Variants in FGD4 observed in about 807,000 individuals in gnomAD.
FGD4 encodes the protein FYVE, RhoGEF and PH domain-containing protein 4.
Under a neutral mutation model 102.0 loss-of-function variants are expected in FGD4, and 42 were observed. The observed-to-expected ratio is 0.41, with a 90% CI of 0.32 to 0.53. The LOEUF is 0.53. Ranked by LOEUF, FGD4 falls within the 20% of genes least tolerant of loss-of-function variation. FGD4 has a pLI of 0.21. For synonymous variants in FGD4, 380 were observed against 375.7 expected (o/e 1.01, Z -0.13); for missense variants, 902 against 1,078.2 (o/e 0.84, Z 2.29).
At chr12:32,505,039 A>G (rs1592036610) in intron 1 of FGD4, among the ~76,000 whole-genome samples, 1 of 152,106 alleles carries the variant, frequency 6.6e-6, no homozygotes, top group African/African-American at 2.4e-5. Context: ...GAAGTTAAGT[A>G]TTTTTGGCCA....
At chr12:32,456,020 C>T (rs1409755909) in intron 1 of FGD4, among the ~76,000 whole-genome samples, 5 of 152,120 alleles carry the variant, frequency 3.3e-5, no homozygotes, top group Non-Finnish European at 7.4e-5. Flanking sequence ...AGTCTCCATC[C>T]AACCTTCTCA....
At chr12:32,620,520 CTTTTTTTTTTTTTTTTTT>C (rs1233071153) in intron 11 of FGD4, among the ~76,000 whole-genome samples, 5 of 91,136 alleles carry the variant, frequency 5.5e-5, no homozygotes, top group African/African-American at 2.3e-4. Context: ...TTTTTTCTTT[CTTTTTTTTTTTTTTTTTT>C]TTTTTGAGAT....
At chr12:32,609,947 A>G (rs1454955458) in intron 8 of FGD4, among the ~76,000 whole-genome samples, 2 of 152,158 alleles carry the variant, frequency 1.3e-5, no homozygotes, top group Non-Finnish European at 2.9e-5. Context: ...TGGAGCTCCT[A>G]CGATGTCCAC....
Position 32,645,211 on chromosome 12 carries a change from C to T in FGD4, c.*4678C>T, listed in dbSNP as rs927885865. 6 of 152,062 alleles carry T rather than the reference C, an allele frequency of 3.9e-5. No homozygotes were observed. Among genetic ancestry groups the T allele is most frequent in the Non-Finnish European group, 7.3e-5 (5 of 68,028 alleles). The allele number at this position is 152,062 out of a possible 1,614,324, so 9.4% of individuals were successfully genotyped here. A position where few individuals can be genotyped will look rare whatever the true frequency, so the allele number is the denominator to read the frequency against. On this transcript the variant is annotated 3_prime_UTR_variant, in exon 17 of 17. Transcript: ENST00000534526. ...TATAAGAGAATCACATTATATATTA[C>T]ACAGTATATGGATATTGGAATGTAT...
At chr12:32,435,498 A>AGTGTGTGTTT (rs1555180956) in intron 1 of FGD4, among the ~76,000 whole-genome samples, 2 of 149,612 alleles carry the variant, frequency 1.3e-5, no homozygotes, top group Non-Finnish European at 3.0e-5. Flanking sequence ...CAATTAAAAA[A>AGTGTGTGTTT]GTGTGTGTGT....
chr12:32,571,768 C>CA (rs1945686462), intron 2 of FGD4, among the ~76,000 whole-genome samples: 1 of 152,042 alleles, frequency 6.6e-6, no homozygotes, highest in Non-Finnish European at 1.5e-5. Context: ...AGGTATGCGC[C>CA]AAAGCCTGAA....
rs1160194751 is a variant in FGD4 at position 32,633,798 on chromosome 12, C to G, written c.2313+109C>G. Reference sequence around the variant, plus strand: ...TGGCACGATCTCAGCTCACTGCAACCTCAGCCTCCCAAGTTGCTGGAATTA... The same window carrying G: ...TGGCACGATCTCAGCTCACTGCAACGTCAGCCTCCCAAGTTGCTGGAATTA... On this transcript the variant is annotated intron_variant, in intron 15 of 16. Coordinates refer to ENST00000534526, the MANE Select transcript of FGD4 (RefSeq NM_001370298.3). The G allele has an allele frequency of 3.0e-6, 3 of 988,018 alleles. No individual in the cohort carries two copies. In the African/African-American group the frequency reaches 5.0e-5, roughly 16 times the overall value. The allele number at this position is 988,018 out of a possible 1,614,324, so 61.2% of individuals were successfully genotyped here.
intron 1 of FGD4, among the ~76,000 whole-genome samples, chr12:32,481,080 A>G (rs917637994): frequency 7.3e-6 from 1 of 136,786 alleles, no homozygotes; most frequent in African/African-American, 2.7e-5. Context: ...GTGAGCTGAG[A>G]TAGTGCCACT....
chr12:32,581,406 CAA>C lies in FGD4; in HGVS notation c.504-552_504-551del, dbSNP rs1173366763. On this transcript the variant is annotated intron_variant, in intron 3 of 16. Coordinates refer to ENST00000534526, the MANE Select transcript of FGD4 (RefSeq NM_001370298.3). ...CTAGTGGAGGGGATCAGAGTGGAAA[CAA>C]AGAGACCAGTTAAAAAGGTATGGCA... is the stretch of plus-strand genomic sequence containing the variant. Among the ~76,000 whole-genome samples the C allele has an allele frequency of 2.6e-5, 4 of 152,008 alleles. 1 individual carries two copies. In the South Asian group the frequency reaches 6.2e-4, roughly 24 times the overall value.
intron 1 of FGD4, among the ~76,000 whole-genome samples, chr12:32,421,669 C>T (rs552260905): frequency 3.8e-4 from 58 of 152,250 alleles, no homozygotes; most frequent in African/African-American, 1.4e-3. Context: ...TAGGTCAAGA[C>T]TCCTGATAAA....
intron 1 of FGD4, among the ~76,000 whole-genome samples, chr12:32,466,937 T>C (rs1219060650): frequency 6.6e-6 from 1 of 151,872 alleles, no homozygotes; most frequent in Non-Finnish European, 1.5e-5. Context: ...GCAAGGCCTT[T>C]TTAGAGGGCA....
chr12:32,645,888 A>G lies in FGD4; in HGVS notation c.*5355A>G, dbSNP rs145674040. On this transcript the variant is annotated 3_prime_UTR_variant, in exon 17 of 17. Transcript: ENST00000534526. ...TATACACAAGTAATTTTTCTTTTCT[A>G]GCTATGTGAATGTAAAATACTTGCA... 5 of 152,320 alleles carry G rather than the reference A, an allele frequency of 3.3e-5. No individual in the cohort carries two copies. The East Asian group carries it at 9.6e-4, about 29-fold the overall frequency. The allele number at this position is 152,320 out of a possible 1,614,324, so 9.4% of individuals were successfully genotyped here.
intron 1 of FGD4, among the ~76,000 whole-genome samples, chr12:32,524,410 AAAAAAAG>A: frequency 6.6e-6 from 1 of 151,278 alleles, no homozygotes; most frequent in Admixed American, 6.6e-5. Flanking sequence ...AAAAAAAAAA[AAAAAAAG>A]ATAAATTACC....
At chr12:32,465,646 G>A (rs1235887173) in intron 1 of FGD4, among the ~76,000 whole-genome samples, 4 of 151,222 alleles carry the variant, frequency 2.6e-5, no homozygotes, top group African/African-American at 9.7e-5. Flanking sequence ...CCAGCCTGGC[G>A]ACAGAGCAAG....
In FGD4 at chr12:32,590,036, G is replaced by A. The variant is rs562849884; in HGVS notation, c.1011+7569G>A. Among the ~76,000 whole-genome samples, 4 of 152,220 alleles carry A rather than the reference G, an allele frequency of 2.6e-5. No individual in the cohort carries two copies. In the East Asian group the frequency reaches 5.8e-4, roughly 22 times the overall value. On this transcript the variant is annotated intron_variant, in intron 4 of 16. Coordinates refer to ENST00000534526, the MANE Select transcript of FGD4 (RefSeq NM_001370298.3). ...TTATAAAGCAAGGAATGCCGGGCGC[G>A]GTGGCTTATGCCTGAAATCCCAGCA...
chr12:32,447,791 C>T (rs982273020), intron 1 of FGD4, among the ~76,000 whole-genome samples: 1 of 152,222 alleles, frequency 6.6e-6, no homozygotes, highest in Non-Finnish European at 1.5e-5. Flanking sequence ...AATGCTGTCC[C>T]TCCCTTCAGT....
intron 1 of FGD4, among the ~76,000 whole-genome samples, chr12:32,488,597 T>A (rs1462081593): frequency 1.3e-5 from 2 of 152,164 alleles, no homozygotes; most frequent in African/African-American, 4.8e-5. Flanking sequence ...TTTTTTTGTT[T>A]AAAAATACAT....
intron 1 of FGD4, among the ~76,000 whole-genome samples, chr12:32,411,733 G>T (rs11051992): frequency 0.18 from 26,979 of 152,074 alleles, 3,021 homozygotes; most frequent in East Asian, 0.29. Context: ...CCAGCACTTT[G>T]GGAGGCGAAG....
intron 1 of FGD4, among the ~76,000 whole-genome samples, chr12:32,475,066 G>A (rs1565762793): frequency 6.6e-6 from 1 of 152,178 alleles, no homozygotes; most frequent in Admixed American, 6.5e-5. Context: ...CTGGTGCATA[G>A]CATTTCTGAC....
Sources: allele counts gnomAD v4.1 joint callset (sites outside exome capture counted in the v4.1 genomes callset), GRCh38; gene constraint gnomAD v4.1.1; transcripts MANE v1.5; gene names NCBI Gene and HGNC (gene_info 2026-07-23, HGNC 2026-07-21).